The following FOXO3 variants were observed in gnomAD, a reference collection of about 807,000 sequenced individuals.
The protein encoded by FOXO3 is forkhead box protein O3.
A neutral mutation model predicts 41.9 loss-of-function variants in FOXO3; 4 were observed. The observed-to-expected ratio is 0.10, with a 90% CI of 0.05 to 0.22. The LOEUF (loss-of-function observed/expected upper bound fraction) is 0.22. FOXO3 is among the 10% of genes least tolerant of loss of function. The pLI is 1.00. For missense variants in FOXO3, 534 were observed against 906.8 expected, an observed-to-expected ratio of 0.59 and a Z score of 5.28; for synonymous variants, 318 against 389.3, an observed-to-expected ratio of 0.82 and a Z score of 2.16.
chr6:108,632,099 G>A (rs1777990350), intron 1 of FOXO3, among the ~76,000 whole-genome samples: 1 of 152,182 alleles, frequency 6.6e-6, no homozygotes, highest in Non-Finnish European at 1.5e-5. Context: ...GTTGGGTAGT[G>A]CTGTGTGCTT....
intron 1 of FOXO3, among the ~76,000 whole-genome samples, chr6:108,630,276 G>A (rs1239841324): frequency 3.9e-5 from 6 of 152,118 alleles, no homozygotes; most frequent in South Asian, 2.1e-4. Flanking sequence ...AGAGCAGGCC[G>A]GAAGAGAGAG....
At chr6:108,665,775 C>T (rs1394123065) in intron 2 of FOXO3, among the ~76,000 whole-genome samples, 1 of 145,832 alleles carries the variant, frequency 6.9e-6, no homozygotes, top group East Asian at 2.1e-4. Context: ...TGCCACTGCA[C>T]TCCATCCTGG....
At chr6:108,633,085 T>C (rs1289761725) in intron 1 of FOXO3, among the ~76,000 whole-genome samples, 1 of 152,162 alleles carries the variant, frequency 6.6e-6, no homozygotes, top group Non-Finnish European at 1.5e-5. Context: ...ATATTCAAAA[T>C]ACAAAAACTC....
chr6:108,560,053 C>G (rs1160850523), upstream of FOXO3: 2 of 152,198 alleles, frequency 1.3e-5, no homozygotes, highest in East Asian at 1.9e-4. Context: ...GCCGCCTTCC[C>G]GGTGACTCCG....
At chr6:108,574,185 C>T (rs966717507) in intron 1 of FOXO3, among the ~76,000 whole-genome samples, 7 of 149,788 alleles carry the variant, frequency 4.7e-5, no homozygotes, top group East Asian at 1.9e-4. Context: ...AGAATTAGCG[C>T]GTACCTGGGT....
chr6:108,643,205 C>G (rs1778305311), intron 1 of FOXO3, among the ~76,000 whole-genome samples: 1 of 151,940 alleles, frequency 6.6e-6, no homozygotes, highest in Non-Finnish European at 1.5e-5. Context: ...TTAGTTCATT[C>G]TTGTAATTTT....
chr6:108,602,708 G>A lies in FOXO3; in HGVS notation c.621+40879G>A, dbSNP rs146500527. Reference sequence around the variant, plus strand: ...CAAAGGTTATTTTTTTATAATAGATGTGGATAACTTTTTATAAAGGCCGAT... The same window carrying A: ...CAAAGGTTATTTTTTTATAATAGATATGGATAACTTTTTATAAAGGCCGAT... On this transcript the variant is annotated intron_variant, in intron 1 of 2. Coordinates refer to ENST00000406360, the MANE Select transcript of FOXO3 (RefSeq NM_001455.4). Among the ~76,000 whole-genome samples, 65 of 152,012 alleles carry A rather than the reference G, an allele frequency of 4.3e-4. No homozygotes were observed. The South Asian group carries it at 7.3e-3, about 17-fold the overall frequency.
chr6:108,633,441 A>T (rs763079568), intron 1 of FOXO3, among the ~76,000 whole-genome samples: 1 of 152,184 alleles, frequency 6.6e-6, no homozygotes, highest in Admixed American at 6.6e-5. Flanking sequence ...AGCACTTAAG[A>T]TATATGCAAC....
chr6:108,668,828 A>G (rs1582834809), intron 2 of FOXO3, among the ~76,000 whole-genome samples: 1 of 152,222 alleles, frequency 6.6e-6, no homozygotes, highest in Non-Finnish European at 1.5e-5. Flanking sequence ...CATAGTATGT[A>G]TAATTTTAAA....
At chr6:108,587,536 A>G (rs766099302) in intron 1 of FOXO3, among the ~76,000 whole-genome samples, 2 of 152,152 alleles carry the variant, frequency 1.3e-5, no homozygotes, top group Non-Finnish European at 2.9e-5. Context: ...TGCACACACA[A>G]ATACACACAC....
chr6:108,594,992 T>C (rs1331103652), intron 1 of FOXO3, among the ~76,000 whole-genome samples: 1 of 152,188 alleles, frequency 6.6e-6, no homozygotes, highest in African/African-American at 2.4e-5. Flanking sequence ...GAGATGCTTA[T>C]AATCCAAAGT....
In FOXO3 at chr6:108,684,716, C is replaced by G. The variant is rs1175680293; in HGVS notation, c.*4924C>G. ...TGTGTATTCCACTTAAAACCGTAAT[C>G]TAGTTTGTAAAAGAGATGGTGACGC... is the stretch of plus-strand genomic sequence containing the variant. On this transcript the variant is annotated 3_prime_UTR_variant, in exon 3 of 3. Coordinates refer to ENST00000406360, the MANE Select transcript of FOXO3 (RefSeq NM_001455.4). 6.6e-6 allele frequency: 1 copy of G among 152,622 alleles called. No homozygotes were observed. The highest frequency in any genetic ancestry group is 1.5e-5 in the Non-Finnish European group (1 of 68,040). The allele number at this position is 152,622 out of a possible 1,614,324, so 9.5% of individuals were successfully genotyped here.
chr6:108,651,391 T>C (rs1349719191), intron 1 of FOXO3, among the ~76,000 whole-genome samples: 1 of 152,164 alleles, frequency 6.6e-6, no homozygotes, highest in Non-Finnish European at 1.5e-5. Context: ...AGCTGAAAAA[T>C]GTGTCTCCAC....
intron 1 of FOXO3, among the ~76,000 whole-genome samples, chr6:108,628,621 TC>T (rs1287827707): frequency 3.3e-5 from 5 of 152,174 alleles, no homozygotes; most frequent in Non-Finnish European, 1.5e-5. Flanking sequence ...CTTTTCCAGG[TC>T]CAGTTGCTGA....
In FOXO3 at chr6:108,663,720, C is replaced by T. The variant is rs775021576; in HGVS notation, c.887C>T (p.Thr296Met). 1.9e-6 allele frequency: 3 copies of T among 1,613,562 alleles called. No homozygotes were observed. Among genetic ancestry groups the T allele is most frequent in the African/African-American group, 1.3e-5 (1 of 75,042 alleles). ...CTCTCCAAGTGGCCTGGCAGCCCCA[C>T]GTCACGCAGCAGTGATGAGCTGGAT... Reference protein sequence around the residue: ...SQLSKWPGSPTSRSSDELDAW... With the variant: ...SQLSKWPGSPMSRSSDELDAW... Residue 296 changes from threonine (T) to methionine (M), a missense_variant, in exon 2 of 3, where the codon ACG (threonine) becomes ATG (methionine). By Grantham distance (81) the Thr-to-Met change is moderately conservative. Coordinates refer to ENST00000406360, the MANE Select transcript of FOXO3 (RefSeq NM_001455.4).
Position 108,680,763 on chromosome 6 carries a change from AAAC to A in FOXO3, c.*974_*976del, listed in dbSNP as rs1390662436. On this transcript the variant is annotated 3_prime_UTR_variant, in exon 3 of 3. Transcript: ENST00000406360. ...GGAGAAAGAAAAGGAAAAAAAAAAA[AAAC>A]AAAAAAGTCCTGTTTTGCTTTGCAG... The A allele has an allele frequency of 7.2e-6, 1 of 139,458 alleles. No homozygotes were observed. The allele number at this position is 139,458 out of a possible 1,614,324, so 8.6% of individuals were successfully genotyped here.
intron 1 of FOXO3, among the ~76,000 whole-genome samples, chr6:108,620,833 C>G (rs1777644934): frequency 1.3e-5 from 2 of 152,056 alleles, no homozygotes; most frequent in Admixed American, 1.3e-4. Flanking sequence ...TGATACAGAG[C>G]CTATACTGGT....
chr6:108,562,561 T>A (rs1445183586), intron 1 of FOXO3, among the ~76,000 whole-genome samples: 3 of 152,074 alleles, frequency 2.0e-5, no homozygotes, highest in Non-Finnish European at 4.4e-5. Context: ...CACCCGCTGC[T>A]CCCGCCGAGG....
rs1344931063 is a variant in FOXO3 at position 108,561,543 on chromosome 6, C to T, written c.335C>T (p.Pro112Leu). 1.3e-5 allele frequency: 19 copies of T among 1,437,728 alleles called. No homozygotes were observed. The highest frequency in any genetic ancestry group is 5.9e-5 in the Admixed American group (2 of 34,174). The allele number at this position is 1,437,728 out of a possible 1,614,324, so 89.1% of individuals were successfully genotyped here. A position where few individuals can be genotyped will look rare whatever the true frequency, so the allele number is the denominator to read the frequency against. Residue 112 changes from proline (P) to leucine (L), a missense_variant, in exon 1 of 3, where the codon CCA (proline) becomes CTA (leucine). Transcript: ENST00000406360. ...APGGQDPGSG[P>L]ATAAGGLSGG... ...GGAGGGCAAGACCCCGGGTCTGGGCCAGCCACCGCGGCGGGCGGGCTGAGC... is the reference window on the plus strand; with the variant it reads ...GGAGGGCAAGACCCCGGGTCTGGGCTAGCCACCGCGGCGGGCGGGCTGAGC...
Sources: allele counts gnomAD v4.1 joint callset (sites outside exome capture counted in the v4.1 genomes callset), GRCh38; gene constraint gnomAD v4.1.1; transcripts MANE v1.5; gene names NCBI Gene and HGNC (gene_info 2026-07-23, HGNC 2026-07-21).